CACNA1C: variants seen among roughly 807,000 people sequenced by gnomAD.
CACNA1C encodes voltage-dependent L-type calcium channel subunit alpha-1C.
In CACNA1C, 30 loss-of-function variants were observed where a neutral mutation model predicts 229.0. That is an observed-to-expected ratio of 0.13 (90% CI 0.10 to 0.18). The LOEUF (loss-of-function observed/expected upper bound fraction) is 0.18, where lower values mean the gene tolerates loss of function less well. CACNA1C is among the 10% of genes least tolerant of loss of function. The probability of loss-of-function intolerance (pLI) is 1.00; values close to 1 mark genes in which losing one functional copy is unlikely to be tolerated. For synonymous variants in CACNA1C, 1,114 were observed against 1,132.5 expected, an observed-to-expected ratio of 0.98 and a Z score of 0.33; for missense variants, 1,658 against 2,845.0, an observed-to-expected ratio of 0.58 and a Z score of 9.49.
At chr12:2,612,394 AGCCC>A in intron 29 of CACNA1C, 1 of 174,606 alleles carries the variant, frequency 5.7e-6, no homozygotes, top group Admixed American at 5.8e-5. Context: ...CTCCAGGCCC[AGCCC>A]CCCAGATCCA....
At position 2,618,902 on chromosome 12, in the gene CACNA1C, T is replaced by C. The variant is rs2081999900; in HGVS notation, c.3828+6889T>C. Reference sequence around the variant, plus strand: ...ATGACATTGCTGGCTGAAATGTACTTTCTCTCCAACTTGACCTCTGCCTCC... The same window carrying C: ...ATGACATTGCTGGCTGAAATGTACTCTCTCTCCAACTTGACCTCTGCCTCC... On this transcript the variant is annotated intron_variant, in intron 29 of 46. Coordinates refer to ENST00000399655, the MANE Select transcript of CACNA1C (RefSeq NM_000719.7). 2.0e-5 allele frequency among the ~76,000 whole-genome samples: 3 copies of C among 152,190 alleles called. No homozygotes were observed. The South Asian group carries it at 6.2e-4, about 32-fold the overall frequency.
chr12:2,489,499 C>T (rs866853798), intron 6 of CACNA1C, among the ~76,000 whole-genome samples: 11 of 152,250 alleles, frequency 7.2e-5, no homozygotes, highest in South Asian at 2.1e-4. Flanking sequence ...CACCATATGC[C>T]GATACCTTTT....
At chr12:2,470,868 C>T (rs1044073186) in intron 5 of CACNA1C, among the ~76,000 whole-genome samples, 2 of 151,864 alleles carry the variant, frequency 1.3e-5, no homozygotes, top group African/African-American at 2.4e-5. Flanking sequence ...GACCGAGTCT[C>T]GATCTGTCTC....
chr12:2,334,077 C>G (rs1172894729), intron 3 of CACNA1C, among the ~76,000 whole-genome samples: 4 of 152,174 alleles, frequency 2.6e-5, no homozygotes, highest in Non-Finnish European at 5.9e-5. Flanking sequence ...ATTCCTAATG[C>G]TGCTTCCTGC....
At chr12:2,626,158 G>A (rs1277460991) in intron 29 of CACNA1C, among the ~76,000 whole-genome samples, 1 of 152,176 alleles carries the variant, frequency 6.6e-6, no homozygotes, top group Non-Finnish European at 1.5e-5. Flanking sequence ...AGATGCCCTG[G>A]CCATGCCTGG....
intron 3 of CACNA1C, among the ~76,000 whole-genome samples, chr12:2,390,314 A>G (rs1363340709): frequency 3.9e-5 from 6 of 152,184 alleles, no homozygotes; most frequent in Admixed American, 2.6e-4. Flanking sequence ...GTCCTGGGCT[A>G]GCCAGGACAT....
At chr12:2,562,515 A>C (rs995093606) in intron 11 of CACNA1C, among the ~76,000 whole-genome samples, 1 of 152,238 alleles carries the variant, frequency 6.6e-6, no homozygotes, top group Non-Finnish European at 1.5e-5. Context: ...TAATAATCAC[A>C]ATCACAGGAA....
chr12:2,630,471 C>T lies in CACNA1C; in HGVS notation c.3829-3826C>T, dbSNP rs1187242121. Among the ~76,000 whole-genome samples the T allele has an allele frequency of 6.6e-6, 1 of 151,974 alleles. No homozygotes were observed. Among genetic ancestry groups the T allele is most frequent in the Non-Finnish European group, 1.5e-5 (1 of 68,022 alleles). The stretch of plus-strand genomic sequence containing the variant: ...GAAGGACCTGGGCCTTGTTTCTGGG[C>T]AGGGTGTGGTCCAAGTGGGAGGAAG... On this transcript the variant is annotated intron_variant, in intron 29 of 46. Transcript: ENST00000399655. The surrounding 1 kb of genome is among the most constrained non-coding windows in gnomAD (Gnocchi z 5.4).
intron 2 of CACNA1C, 54 bp downstream of exon 2, chr12:2,115,599 A>G (rs1298599841): frequency 1.5e-5 from 24 of 1,564,388 alleles, no homozygotes; most frequent in African/African-American, 2.7e-5. Flanking sequence ...CGCTGGGTCC[A>G]GCCCTCCGAG....
chr12:2,083,215 G>A (rs1221931350), intron 1 of CACNA1C, among the ~76,000 whole-genome samples: 1 of 152,248 alleles, frequency 6.6e-6, no homozygotes, highest in Admixed American at 6.5e-5. Context: ...TAAACTGTCA[G>A]TGTTAAAAGG....
chr12:2,154,061 G>T (rs1597468060), intron 3 of CACNA1C, among the ~76,000 whole-genome samples: 3 of 152,198 alleles, frequency 2.0e-5, no homozygotes, highest in South Asian at 4.2e-4. Flanking sequence ...GACATTCCCG[G>T]CCTCTTCTCT....
At chr12:2,043,010 A>G (rs1427207095) in intron 1 of CACNA1C, among the ~76,000 whole-genome samples, 2 of 152,326 alleles carry the variant, frequency 1.3e-5, no homozygotes, top group African/African-American at 2.4e-5. Flanking sequence ...GGGGTGTTTC[A>G]TCTGGATAAT....
intron 44 of CACNA1C, 28 bp from the exon 45 acceptor site, chr12:2,686,138 G>A: frequency 6.3e-7 from 1 of 1,579,674 alleles, no homozygotes; most frequent in Non-Finnish European, 8.7e-7. Context: ...TTCCTGCCCT[G>A]ATGGTGGCTC....
chr12:2,236,861 G>A (rs2067590015), intron 3 of CACNA1C, among the ~76,000 whole-genome samples: 1 of 152,182 alleles, frequency 6.6e-6, no homozygotes, highest in African/African-American at 2.4e-5. Context: ...CCTACAGTGA[G>A]GGGCTTCTGT....
In CACNA1C at chr12:2,236,224, C is replaced by A. The variant is rs11062169; in HGVS notation, c.477+115794C>A. Among the ~76,000 whole-genome samples the A allele has an allele frequency of 5.9e-5, 9 of 152,264 alleles. No homozygotes were observed. In the South Asian group the frequency reaches 1.9e-3, roughly 32 times the overall value. On this transcript the variant is annotated intron_variant, in intron 3 of 46. Coordinates refer to ENST00000399655, the MANE Select transcript of CACNA1C (RefSeq NM_000719.7). Reference sequence around the variant, plus strand: ...GCCATCTGGGGATCCTGGTAAAATGCACATCCTGATTCAGCAGGTTCGGGT... The same window carrying A: ...GCCATCTGGGGATCCTGGTAAAATGAACATCCTGATTCAGCAGGTTCGGGT...
chr12:2,419,421 C>T (rs998265050), intron 3 of CACNA1C, among the ~76,000 whole-genome samples: 2 of 152,106 alleles, frequency 1.3e-5, no homozygotes, highest in African/African-American at 4.8e-5. Flanking sequence ...ACCGCCACGG[C>T]CTGAACACCC....
intron 37 of CACNA1C, among the ~76,000 whole-genome samples, chr12:2,667,908 G>A (rs1465737454): frequency 5.3e-5 from 8 of 152,220 alleles, no homozygotes; most frequent in African/African-American, 1.7e-4. Flanking sequence ...GCTTCACACC[G>A]CGCTTGCTCG....
chr12:2,104,388 T>G (rs1453500786), intron 1 of CACNA1C, among the ~76,000 whole-genome samples: 3 of 152,236 alleles, frequency 2.0e-5, no homozygotes, highest in Non-Finnish European at 2.9e-5. Context: ...TATTGGTGTA[T>G]AGGAATGCTT....
chr12:2,609,437 C>G (rs2076682547), intron 27 of CACNA1C, among the ~76,000 whole-genome samples: 1 of 151,778 alleles, frequency 6.6e-6, no homozygotes, highest in Non-Finnish European at 1.5e-5. Context: ...CAGCCAGTCC[C>G]CTGTGGGTTT....
Sources: gnomAD v4.1 joint callset for allele counts (sites outside exome capture counted in the v4.1 genomes callset) on GRCh38, gnomAD v4.1.1 for gene constraint, Gnocchi (gnomAD v3.1) non-coding constraint, MANE v1.5 for transcripts, NCBI Gene and HGNC (gene_info 2026-07-23, HGNC 2026-07-21) for gene names.